Variants in WDPCP observed in about 807,000 individuals in gnomAD.
WDPCP encodes WD repeat-containing and planar cell polarity effector protein fritz homolog.
WDPCP carries 71 observed loss-of-function variants against 93.1 expected under a neutral mutation model. The observed-to-expected ratio is 0.76, with a 90% confidence interval of 0.63 to 0.93. The LOEUF is 0.93. Ranked by LOEUF, WDPCP falls within the 40% of genes least tolerant of loss-of-function variation. The pLI, the probability that WDPCP is intolerant of heterozygous loss-of-function variation, is 0.00. For synonymous variants in WDPCP, 315 were observed against 315.0 expected, an observed-to-expected ratio of 1.00 and a Z score of 0.00; for missense variants, 844 against 887.4, an observed-to-expected ratio of 0.95 and a Z score of 0.62.
intron 13 of WDPCP, among the ~76,000 whole-genome samples, chr2:63,308,351 T>C (rs1685911559): frequency 6.6e-6 from 1 of 152,166 alleles, no homozygotes; most frequent in African/African-American, 2.4e-5. Flanking sequence ...CTCAGGGATG[T>C]AGAACTAGAA....
intron 3 of WDPCP, among the ~76,000 whole-genome samples, chr2:63,632,013 C>A (rs1458897888): frequency 6.6e-6 from 1 of 152,196 alleles, no homozygotes; most frequent in African/African-American, 2.4e-5. Context: ...TGAGCACCCC[C>A]ACAAAAGGAT....
chr2:63,647,884 C>T (rs115977057), intron 3 of WDPCP, among the ~76,000 whole-genome samples: 1,915 of 152,120 alleles, frequency 0.013, 13 homozygotes, highest in Non-Finnish European at 0.021. Context: ...CATCTGAAAC[C>T]TGACCAATCA....
At chr2:63,150,075 A>C (rs1162092651) in intron 17 of WDPCP, among the ~76,000 whole-genome samples, 1 of 152,216 alleles carries the variant, frequency 6.6e-6, no homozygotes, top group Non-Finnish European at 1.5e-5. Context: ...GGAATGGTTA[A>C]GACAAAATTT....
intron 1 of WDPCP, among the ~76,000 whole-genome samples, chr2:63,501,392 T>C (rs575942278): frequency 1.3e-5 from 2 of 152,194 alleles, no homozygotes; most frequent in South Asian, 4.1e-4. Context: ...AGTCAGACCC[T>C]GTCTCTACAA....
chr2:63,468,796 T>C (rs900010979), intron 6 of WDPCP, among the ~76,000 whole-genome samples: 3 of 152,150 alleles, frequency 2.0e-5, no homozygotes, highest in African/African-American at 2.4e-5. Flanking sequence ...TTTCCCTGCA[T>C]TGATTTCCCT....
At chr2:63,364,631 T>C (rs1223411510) in intron 12 of WDPCP, among the ~76,000 whole-genome samples, 3 of 152,348 alleles carry the variant, frequency 2.0e-5, no homozygotes, top group Admixed American at 6.5e-5. Context: ...GGTTGGTCCA[T>C]GTCTGTAGTG....
intron 2 of WDPCP, among the ~76,000 whole-genome samples, chr2:63,723,029 G>C (rs374639676): frequency 4.6e-5 from 7 of 152,316 alleles, no homozygotes; most frequent in African/African-American, 1.2e-4. Context: ...TCCACTCAGC[G>C]TTGAACGGAT....
intron 2 of WDPCP, among the ~76,000 whole-genome samples, chr2:63,777,244 T>C (rs1263077879): frequency 2.6e-5 from 4 of 152,146 alleles, no homozygotes; most frequent in African/African-American, 2.4e-5. Flanking sequence ...AATTAAAACT[T>C]TTAAAAAACC....
intron 2 of WDPCP, among the ~76,000 whole-genome samples, chr2:63,782,774 GTGTT>G (rs1417716739): frequency 4.1e-5 from 6 of 147,418 alleles, no homozygotes; most frequent in Non-Finnish European, 6.0e-5. Context: ...GTGTGTGTGT[GTGTT>G]TGTGTGTTTG....
intron 17 of WDPCP, among the ~76,000 whole-genome samples, chr2:63,130,631 T>G (rs1321212236): frequency 6.6e-6 from 1 of 152,088 alleles, no homozygotes; most frequent in Non-Finnish European, 1.5e-5. Flanking sequence ...ATGAGTATTT[T>G]TTTTTTCTAT....
At chr2:63,819,825 A>G (rs1670993108) in intron 1 of WDPCP, among the ~76,000 whole-genome samples, 1 of 152,148 alleles carries the variant, frequency 6.6e-6, no homozygotes, top group African/African-American at 2.4e-5. Context: ...GAGTGACTCT[A>G]TCTACCTATG....
intron 17 of WDPCP, among the ~76,000 whole-genome samples, chr2:63,148,695 A>G (rs1419674363): frequency 1.3e-5 from 2 of 152,142 alleles, no homozygotes; most frequent in African/African-American, 4.8e-5. Context: ...AAAAAAGTCT[A>G]AAAGCCAAGA....
chr2:63,652,366 G>C (rs1003395013), intron 2 of WDPCP, among the ~76,000 whole-genome samples: 3 of 152,208 alleles, frequency 2.0e-5, no homozygotes, highest in African/African-American at 7.2e-5. Context: ...TCAAGTACTT[G>C]AACTTATTAC....
At chr2:63,436,340 T>C (rs1347235789) in intron 8 of WDPCP, among the ~76,000 whole-genome samples, 1 of 152,142 alleles carries the variant, frequency 6.6e-6, no homozygotes, top group Non-Finnish European at 1.5e-5. Flanking sequence ...CGAAACTAGA[T>C]GGTAGTTTAT....
At chr2:63,821,753 A>C (rs1315429404) in intron 1 of WDPCP, among the ~76,000 whole-genome samples, 1 of 152,130 alleles carries the variant, frequency 6.6e-6, no homozygotes, top group Non-Finnish European at 1.5e-5. Flanking sequence ...GTTACATAAA[A>C]TGATAACAGT....
At chr2:63,683,317 A>C (rs930931474) in intron 2 of WDPCP, among the ~76,000 whole-genome samples, 3 of 152,198 alleles carry the variant, frequency 2.0e-5, no homozygotes, top group Non-Finnish European at 4.4e-5. Context: ...TGGATAAAAA[A>C]AGCAAAACCC....
intron 2 of WDPCP, among the ~76,000 whole-genome samples, chr2:63,654,195 G>T (rs1710140365): frequency 6.6e-6 from 1 of 152,092 alleles, no homozygotes; most frequent in Non-Finnish European, 1.5e-5. Flanking sequence ...AATTTTACTG[G>T]ACAGAATTAA....
intron 2 of WDPCP, among the ~76,000 whole-genome samples, chr2:63,788,205 G>A (rs892946731): frequency 1.3e-4 from 19 of 151,864 alleles, no homozygotes; most frequent in African/African-American, 2.4e-4. Context: ...CAAGACACAC[G>A]TACAAACAAG....
chr2:63,294,933 C>A (rs1235456893), intron 13 of WDPCP, among the ~76,000 whole-genome samples: 1 of 151,926 alleles, frequency 6.6e-6, no homozygotes, highest in Non-Finnish European at 1.5e-5. Flanking sequence ...GAGACAGATA[C>A]ATTTAAAAGA....
Sources: allele counts gnomAD v4.1 joint callset (sites outside exome capture counted in the v4.1 genomes callset), GRCh38; gene constraint gnomAD v4.1.1; transcripts MANE v1.5; gene names NCBI Gene and HGNC (gene_info 2026-07-23, HGNC 2026-07-21).